Variants in TSGA10 observed in about 807,000 individuals in gnomAD.
TSGA10 encodes testis-specific gene 10 protein.
In TSGA10, 43 loss-of-function variants were observed where a neutral mutation model predicts 96.6. The ratio of observed to expected loss-of-function variants is 0.44; its 90% CI spans 0.35 to 0.57. The LOEUF is 0.57. Ranked by LOEUF, TSGA10 falls within the 20% of genes least tolerant of loss-of-function variation. The pLI is 0.01. For missense variants in TSGA10, 703 were observed against 834.4 expected (o/e 0.84, Z 1.94); for synonymous variants, 229 against 269.9 (o/e 0.85, Z 1.48).
At chr2:99,052,430 G>A (rs988142068) in intron 16 of TSGA10, among the ~76,000 whole-genome samples, 1 of 151,946 alleles carries the variant, frequency 6.6e-6, no homozygotes, top group East Asian at 1.9e-4. Flanking sequence ...TTTTTTTAAA[G>A]CCTGAAGAGA....
At chr2:99,080,020 A>C (rs1428675114) in intron 11 of TSGA10, among the ~76,000 whole-genome samples, 1 of 152,172 alleles carries the variant, frequency 6.6e-6, no homozygotes, top group African/African-American at 2.4e-5. Flanking sequence ...ATACATCTCT[A>C]AAATAGCTCT....
rs1264235550 is a variant in TSGA10 at position 99,071,885 on chromosome 2, A to G, written c.939-11T>C. ...GCCTCAGTACACTGTCTATTCCACA[A>G]ATCAAAGAGTACATAAGAAGAGACA... On this transcript the variant is annotated splice_polypyrimidine_tract_variant and intron_variant, in intron 13 of 20. Transcript: ENST00000393483. 1 of 1,605,768 alleles carries G rather than the reference A, an allele frequency of 6.2e-7. No individual in the cohort carries two copies. The highest frequency in any genetic ancestry group is 1.1e-5 in the South Asian group (1 of 89,356).
intron 1 of TSGA10, chr2:99,150,807 T>C (rs765445162): frequency 6.3e-7 from 1 of 1,598,080 alleles, no homozygotes; most frequent in Non-Finnish European, 8.5e-7. Context: ...AAGAAAGTGA[T>C]GGACTAGAAA....
At chr2:99,086,508 G>A (rs981780191) in intron 10 of TSGA10, among the ~76,000 whole-genome samples, 2 of 152,280 alleles carry the variant, frequency 1.3e-5, no homozygotes, top group Non-Finnish European at 2.9e-5. Flanking sequence ...CATATCAACA[G>A]ATGCAGAATA....
chr2:99,015,449 G>A (rs2079429459), intron 20 of TSGA10, among the ~76,000 whole-genome samples: 1 of 152,042 alleles, frequency 6.6e-6, no homozygotes, highest in Non-Finnish European at 1.5e-5. Flanking sequence ...ATCCCTTTAT[G>A]GTTAAAACCC....
chr2:99,014,316 C>A (rs1345649748), intron 20 of TSGA10, among the ~76,000 whole-genome samples: 1 of 152,114 alleles, frequency 6.6e-6, no homozygotes, highest in Non-Finnish European at 1.5e-5. Context: ...GCCTGAGCAA[C>A]AGAGCAAGAT....
At chr2:99,066,361 T>C (rs774022520) in intron 15 of TSGA10, among the ~76,000 whole-genome samples, 2 of 152,202 alleles carry the variant, frequency 1.3e-5, no homozygotes, top group East Asian at 1.9e-4. Flanking sequence ...GTACAGAGTA[T>C]GTACTTGGAG....
At position 99,127,075 on chromosome 2, in the gene TSGA10, A is replaced by G. The variant is rs775731637; in HGVS notation, c.-519T>C. On this transcript the variant is annotated 5_prime_UTR_variant, in exon 2 of 21. Coordinates refer to ENST00000393483, the MANE Select transcript of TSGA10 (RefSeq NM_025244.4). The stretch of plus-strand genomic sequence containing the variant: ...GTAATTTCAGTGTCGAGATGAATCT[A>G]TCTTGGTTTCTCACTTCTTGTTCTA... 2.0e-5 allele frequency: 26 copies of G among 1,289,614 alleles called. No individual in the cohort carries two copies. The highest frequency in any genetic ancestry group is 1.4e-4 in the Admixed American group (6 of 43,542). The allele number at this position is 1,289,614 out of a possible 1,614,324, so 79.9% of individuals were successfully genotyped here.
chr2:99,103,938 G>T, intron 10 of TSGA10, 29 bp downstream of exon 10: 1 of 1,609,966 alleles, frequency 6.2e-7, no homozygotes, highest in South Asian at 1.1e-5. Flanking sequence ...ATAGTAAACT[G>T]TTGGTTGTTT....
chr2:98,999,793 G>A (rs951008158), intron 20 of TSGA10, among the ~76,000 whole-genome samples: 6 of 152,154 alleles, frequency 3.9e-5, no homozygotes, highest in Non-Finnish European at 8.8e-5. Context: ...CTGTTGCCCA[G>A]GCTAGAATGC....
chr2:99,095,982 C>A (rs899608680), intron 10 of TSGA10, among the ~76,000 whole-genome samples: 9 of 152,188 alleles, frequency 5.9e-5, no homozygotes, highest in Non-Finnish European at 7.3e-5. Flanking sequence ...GCAGCCCCAA[C>A]TTTGACAGCC....
At chr2:99,108,638 A>C (rs990633497) in intron 7 of TSGA10, among the ~76,000 whole-genome samples, 195 bp downstream of exon 7, 4 of 152,170 alleles carry the variant, frequency 2.6e-5, no homozygotes, top group Non-Finnish European at 5.9e-5. Flanking sequence ...GGGATAACAT[A>C]CGTGTGTACT....
chr2:99,084,346 C>T (rs1410736011), intron 10 of TSGA10, among the ~76,000 whole-genome samples: 1 of 152,156 alleles, frequency 6.6e-6, no homozygotes, highest in Non-Finnish European at 1.5e-5. Context: ...GCAGGTCCCT[C>T]ATGAATGGTT....
chr2:99,087,153 A>G (rs1403121623), intron 10 of TSGA10, among the ~76,000 whole-genome samples: 3 of 151,142 alleles, frequency 2.0e-5, no homozygotes, highest in Non-Finnish European at 3.0e-5. Flanking sequence ...GCAGTGAGCC[A>G]AGATCATGCC....
chr2:99,127,311 T>C (rs1418241160), intron 1 of TSGA10, 135 bp from the exon 2 acceptor site: 1 of 703,730 alleles, frequency 1.4e-6, no homozygotes, highest in Admixed American at 4.7e-5. Flanking sequence ...TAAGAGGATT[T>C]CATCAAACTT....
intron 20 of TSGA10, among the ~76,000 whole-genome samples, chr2:99,013,583 C>G (rs528867895): frequency 7.3e-5 from 11 of 151,716 alleles, no homozygotes; most frequent in African/African-American, 2.4e-4. Flanking sequence ...CGCCTGCCTC[C>G]GCCCCCCAAA....
chr2:99,137,302 T>C (rs1364731071), intron 1 of TSGA10, among the ~76,000 whole-genome samples: 1 of 152,200 alleles, frequency 6.6e-6, no homozygotes, highest in East Asian at 1.9e-4. Flanking sequence ...GCCAAGACTC[T>C]GCCTCTTAAT....
rs771310789 is a variant in TSGA10, at chr2:99,081,266, A to G, written c.727+16T>C. On this transcript the variant is annotated intron_variant, in intron 11 of 20. Coordinates refer to ENST00000393483, the MANE Select transcript of TSGA10 (RefSeq NM_025244.4). Reference sequence around the variant, plus strand: ...TTAAGAAAAACTAAAAGTAATATTAAGAGAAAAAAACTCACCAATTTTTTC... The same window carrying G: ...TTAAGAAAAACTAAAAGTAATATTAGGAGAAAAAAACTCACCAATTTTTTC... The G allele has an allele frequency of 7.2e-6, 10 of 1,385,094 alleles. No individual in the cohort carries two copies. Among genetic ancestry groups the G allele is most frequent in the Non-Finnish European group, 9.0e-6 (9 of 1,004,390 alleles). The allele number at this position is 1,385,094 out of a possible 1,614,324, so 85.8% of individuals were successfully genotyped here.
rs1425904395 is a variant in TSGA10 at position 99,105,405 on chromosome 2, G to A, written c.413C>T (p.Ala138Val). 1.2e-6 allele frequency: 2 copies of A among 1,612,124 alleles called. No individual in the cohort carries two copies. Among genetic ancestry groups the A allele is most frequent in the African/African-American group, 2.7e-5 (2 of 74,404 alleles). ...IAQETAFNEK[A>V]HLEQRIEELE... ...CTCCTCTATCCTTTGTTCCAGGTGA[G>A]CCTTCTCATTAAATGCTGTCTCTTG... Residue 138 changes from alanine (A) to valine (V), a missense_variant, in exon 9 of 21, where the codon GCT becomes GTT. Around this residue, in one of 3 missense-constraint regions of TSGA10, gnomAD observed 585 missense variants for 656.8 expected, o/e 0.89. Transcript: ENST00000393483.
Sources: allele counts gnomAD v4.1 joint callset (sites outside exome capture counted in the v4.1 genomes callset), GRCh38; gene constraint gnomAD v4.1.1; regional missense constraint gnomAD v4.1.1; transcripts MANE v1.5; gene names NCBI Gene and HGNC (gene_info 2026-07-23, HGNC 2026-07-21).